CDH23: variants seen among roughly 807,000 people sequenced by gnomAD.
The protein encoded by CDH23 is cadherin-23.
In CDH23, 189 loss-of-function variants were observed where a neutral mutation model predicts 317.1. That is an observed-to-expected ratio of 0.60 (90% CI 0.53 to 0.67). The LOEUF is 0.67. Ranked by LOEUF, CDH23 falls within the 30% of genes least tolerant of loss-of-function variation. The pLI is 0.00. For missense variants in CDH23, 4,401 were observed against 4,592.4 expected, an observed-to-expected ratio of 0.96 and a Z score of 1.20; for synonymous variants, 1,839 against 1,876.8, an observed-to-expected ratio of 0.98 and a Z score of 0.52.
In CDH23 at chr10:71,740,185, G is replaced by A. The variant is rs576940442; in HGVS notation, c.4488+413G>A. ...CTGGCCTGCCCTGTGGAGGGAAGAAGCAAGTGCAGGCTTGAGGAGCCACGA... is the reference window on the plus strand; with the variant it reads ...CTGGCCTGCCCTGTGGAGGGAAGAAACAAGTGCAGGCTTGAGGAGCCACGA... On this transcript the variant is annotated intron_variant, in intron 36 of 69. Transcript: ENST00000224721. Among the ~76,000 whole-genome samples, 5 of 152,366 alleles carry A rather than the reference G, an allele frequency of 3.3e-5. No homozygotes were observed. The South Asian group carries it at 6.2e-4, about 19-fold the overall frequency.
intron 34 of CDH23, among the ~76,000 whole-genome samples, chr10:71,736,258 G>A (rs1044914566): frequency 2.6e-5 from 4 of 152,236 alleles, no homozygotes; most frequent in South Asian, 2.1e-4. Flanking sequence ...CCCAGGGGCC[G>A]CTGCCCCAGA....
chr10:71,740,241 T>C (rs2132845154), intron 36 of CDH23, among the ~76,000 whole-genome samples: 1 of 152,354 alleles, frequency 6.6e-6, no homozygotes, highest in East Asian at 1.9e-4. Context: ...TGGCCATGGC[T>C]GGGATGTTTG....
chr10:71,787,716 G>A (rs984223640), intron 44 of CDH23, among the ~76,000 whole-genome samples: 1 of 152,154 alleles, frequency 6.6e-6, no homozygotes, highest in Non-Finnish European at 1.5e-5. Flanking sequence ...CAAAAGACAC[G>A]ACTTCACTCT....
intron 3 of CDH23, among the ~76,000 whole-genome samples, chr10:71,453,197 T>C (rs978907483): frequency 6.6e-5 from 10 of 152,140 alleles, no homozygotes; most frequent in Non-Finnish European, 1.3e-4. Context: ...TCAAGAGCCA[T>C]TAAGGTGGGA....
At chr10:71,465,476 T>TC (rs1205031115) in intron 3 of CDH23, among the ~76,000 whole-genome samples, 1 of 152,224 alleles carries the variant, frequency 6.6e-6, no homozygotes, top group Non-Finnish European at 1.5e-5. Flanking sequence ...GAGAGACTCC[T>TC]CGAGTGGCCT....
chr10:71,624,432 T>A (rs889182803), intron 11 of CDH23, among the ~76,000 whole-genome samples: 2 of 152,234 alleles, frequency 1.3e-5, no homozygotes, highest in African/African-American at 4.8e-5. Flanking sequence ...TATCCTCTGA[T>A]GCCATTTTCT....
In CDH23 at chr10:71,777,859, C is replaced by A. The variant is rs775157930; in HGVS notation, c.5025C>A (p.Val1675=). The change falls in exon 39 of 70, where the codon GTC becomes GTA. Residue 1675 remains valine, a synonymous_variant. Coordinates refer to ENST00000224721, the MANE Select transcript of CDH23 (RefSeq NM_022124.6). ...GPNGTVTYAI[V]AGNIVNTFRI... is the part of the protein sequence containing the mutation. ...ACGGCACAGTCACCTATGCCATCGT[C>A]GCAGGCAACATCGTCAACACCTTCC... The A allele has an allele frequency of 6.2e-7, 1 of 1,613,802 alleles. No individual in the cohort carries two copies. The highest frequency in any genetic ancestry group is 8.5e-7 in the Non-Finnish European group (1 of 1,179,890).
At chr10:71,727,464 C>A (rs1049072921) in intron 30 of CDH23, among the ~76,000 whole-genome samples, 3 of 152,238 alleles carry the variant, frequency 2.0e-5, no homozygotes, top group Admixed American at 2.0e-4. Context: ...AGCTGGGGGC[C>A]TTCCTGAAGG....
intron 9 of CDH23, among the ~76,000 whole-genome samples, chr10:71,600,428 A>G (rs1380860918): frequency 6.6e-6 from 1 of 152,108 alleles, no homozygotes; most frequent in Non-Finnish European, 1.5e-5. Flanking sequence ...GGCAAATCAC[A>G]ATGCCCATGA....
At chr10:71,472,739 T>G (rs1454120729) in intron 3 of CDH23, among the ~76,000 whole-genome samples, 1 of 152,102 alleles carries the variant, frequency 6.6e-6, no homozygotes, top group African/African-American at 2.4e-5. Context: ...GGAGGGCAGG[T>G]TGGCAGTGCC....
At chr10:71,604,336 T>C (rs1860406743) in intron 9 of CDH23, among the ~76,000 whole-genome samples, 1 of 152,172 alleles carries the variant, frequency 6.6e-6, no homozygotes, top group Non-Finnish European at 1.5e-5. Flanking sequence ...ATAATGACGA[T>C]GCCCTCACAG....
At chr10:71,476,762 G>A (rs890901392) in intron 3 of CDH23, among the ~76,000 whole-genome samples, 5 of 152,182 alleles carry the variant, frequency 3.3e-5, no homozygotes, top group Non-Finnish European at 7.3e-5. Flanking sequence ...TCTCACCCTG[G>A]ACATTGCCAG....
At position 71,760,314 on chromosome 10, in the gene CDH23, CAT is replaced by C. The variant is rs71018220; in HGVS notation, c.4846-17349_4846-17348del. On this transcript the variant is annotated intron_variant, in intron 38 of 69. Coordinates refer to ENST00000224721, the MANE Select transcript of CDH23 (RefSeq NM_022124.6). ...GTGTATATATATGTATATACACACA[CAT>C]ATATATATATATATATCCCTGAGAT... Among the ~76,000 whole-genome samples the C allele has an allele frequency of 5.8e-4, 48 of 82,398 alleles. 4 individuals are homozygous for C. The Middle Eastern group carries it at 0.018, about 31-fold the overall frequency. 54.1% of individuals were successfully genotyped at this position (82,398 alleles called of 152,430 possible). A position where few individuals can be genotyped will look rare whatever the true frequency, so the allele number is the denominator to read the frequency against.
At chr10:71,546,673 A>G (rs1856301594) in intron 6 of CDH23, among the ~76,000 whole-genome samples, 1 of 152,224 alleles carries the variant, frequency 6.6e-6, no homozygotes, top group African/African-American at 2.4e-5. Context: ...TGAATGGGGA[A>G]GAATGTTCCA....
At chr10:71,457,570 G>A (rs1273523816) in intron 3 of CDH23, among the ~76,000 whole-genome samples, 2 of 152,226 alleles carry the variant, frequency 1.3e-5, no homozygotes, top group East Asian at 3.9e-4. Flanking sequence ...CATGGGGCAG[G>A]TGCTGGGTGA....
At chr10:71,785,125 A>T (rs1345011505) in intron 43 of CDH23, 25 bp downstream of exon 43, 2 of 1,594,440 alleles carry the variant, frequency 1.3e-6, no homozygotes, top group South Asian at 2.2e-5. Flanking sequence ...GACCCCAGGG[A>T]GCTTCCCAGG....
At chr10:71,808,323 CCTCA>C (rs1314012556) in intron 60 of CDH23, among the ~76,000 whole-genome samples, 6 of 152,170 alleles carry the variant, frequency 3.9e-5, no homozygotes, top group African/African-American at 1.2e-4. Context: ...TCTGTCCATC[CCTCA>C]TTTTATCCTT....
At chr10:71,649,593 C>T (rs564327535) in intron 14 of CDH23, among the ~76,000 whole-genome samples, 2 of 152,126 alleles carry the variant, frequency 1.3e-5, no homozygotes, top group Non-Finnish European at 2.9e-5. Context: ...CTTATGGCCC[C>T]CAGTTACAGC....
chr10:71,397,542 A>T lies in CDH23; in HGVS notation c.-6+224A>T, dbSNP rs1847578908. On this transcript the variant is annotated intron_variant, in intron 1 of 69. Coordinates refer to ENST00000224721, the MANE Select transcript of CDH23 (RefSeq NM_022124.6). The surrounding 1 kb of genome is among the most constrained non-coding windows in gnomAD (Gnocchi z 4.8). ...AGCTCCCCGACGCGCGGCAACTTTG[A>T]TTCCTGGGAACTCGAATTCCATTCG... is the stretch of plus-strand genomic sequence containing the variant. Among the ~76,000 whole-genome samples the T allele has an allele frequency of 6.6e-6, 1 of 151,830 alleles. No individual in the cohort carries two copies. The highest frequency in any genetic ancestry group is 6.6e-5 in the Admixed American group (1 of 15,266).
Sources: gnomAD v4.1 joint callset for allele counts (sites outside exome capture counted in the v4.1 genomes callset) on GRCh38, gnomAD v4.1.1 for gene constraint, Gnocchi (gnomAD v3.1) non-coding constraint, MANE v1.5 for transcripts, NCBI Gene and HGNC (gene_info 2026-07-23, HGNC 2026-07-21) for gene names.